SAPCD2: variants seen among roughly 807,000 people sequenced by gnomAD.
SAPCD2 encodes suppressor APC domain containing 2.
In SAPCD2, 34 loss-of-function variants were observed where a neutral mutation model predicts 37.8. The ratio of observed to expected loss-of-function variants is 0.90; its 90% confidence interval spans 0.68 to 1.20. The LOEUF is 1.20. Among genes scored for constraint, SAPCD2 ranks in the 50% most tolerant of loss-of-function variants. The pLI is 0.00. For synonymous variants in SAPCD2, 275 were observed against 270.3 expected, an observed-to-expected ratio of 1.02 and a Z score of -0.17; for missense variants, 572 against 584.7, an observed-to-expected ratio of 0.98 and a Z score of 0.22.
intron 2 of SAPCD2, 43 bp downstream of exon 2, chr9:137,066,219 C>T: frequency 6.7e-7 from 1 of 1,499,172 alleles, no homozygotes; most frequent in Non-Finnish European, 9.1e-7. Context: ...CTCCAGCCTC[C>T]AGGCAAGATG....
At chr9:137,065,479 G>A in intron 3 of SAPCD2, 43 bp downstream of exon 3, 1 of 1,548,482 alleles carries the variant, frequency 6.5e-7, no homozygotes, top group Non-Finnish European at 8.7e-7. Flanking sequence ...GTGAGCTGGG[G>A]TCCCCATGTG....
intron 2 of SAPCD2, 70 bp from the exon 3 acceptor site, chr9:137,065,738 T>G: frequency 6.6e-7 from 1 of 1,520,964 alleles, no homozygotes; most frequent in Non-Finnish European, 8.9e-7. Context: ...ATGCATGAGC[T>G]CACCTGTGGG....
At position 137,064,848 on chromosome 9, in the gene SAPCD2, C is replaced by T; in HGVS notation, c.1056+15G>A. 6.4e-7 allele frequency: 1 copy of T among 1,568,676 alleles called. No individual in the cohort carries two copies. Among genetic ancestry groups the T allele is most frequent in the Non-Finnish European group, 8.6e-7 (1 of 1,157,214 alleles). On this transcript the variant is annotated intron_variant, in intron 5 of 5. Coordinates refer to ENST00000409687, the MANE Select transcript of SAPCD2 (RefSeq NM_178448.4). ...CCTCACCCCCACCCCTGCACCCCTC[C>T]CGCGCCTGCCCTACCTGGGTGAGGA...
At chr9:137,067,964 T>G (rs1832573984) in intron 1 of SAPCD2, among the ~76,000 whole-genome samples, 1 of 151,124 alleles carries the variant, frequency 6.6e-6, no homozygotes, top group African/African-American at 2.4e-5. Context: ...GGTGAGGGAG[T>G]AGGTGCACCT....
rs902478561 is a variant in SAPCD2, at chr9:137,070,455, G to A, written c.6C>T (p.Ala2=). 11 of 1,230,280 alleles carry A rather than the reference G, an allele frequency of 8.9e-6. No individual in the cohort carries two copies. The South Asian group carries it at 1.1e-4, about 12-fold the overall frequency. 76.2% of individuals were successfully genotyped at this position (1,230,280 alleles called of 1,614,324 possible). A position where few individuals can be genotyped will look rare whatever the true frequency, so the allele number is the denominator to read the frequency against. The change falls in exon 1 of 6, where the codon GCC becomes GCT. Residue 2 remains alanine (A), a synonymous_variant. Coordinates refer to ENST00000409687, the MANE Select transcript of SAPCD2 (RefSeq NM_178448.4). M[A]GAAMAERGRV... ...GGCCCCGCTCGGCCATGGCGGCCCCGGCCATGGGCGCCCGGGATCGGTCCC... is the reference window on the plus strand; with the variant it reads ...GGCCCCGCTCGGCCATGGCGGCCCCAGCCATGGGCGCCCGGGATCGGTCCC...
At chr9:137,069,290 C>T (rs1832591402) in intron 1 of SAPCD2, among the ~76,000 whole-genome samples, 1 of 152,208 alleles carries the variant, frequency 6.6e-6, no homozygotes, top group Non-Finnish European at 1.5e-5. Flanking sequence ...TATGTCCCTC[C>T]ATGGCATCTG....
At position 137,070,418 on chromosome 9, in the gene SAPCD2, G is replaced by T; in HGVS notation, c.43C>A (p.Pro15Thr). ...CCCTCCGTGCTGGGCGCGGGTGCGGGGGGAGGCACGCGGCCCCGCTCGGCC... is the reference window on the plus strand; with the variant it reads ...CCCTCCGTGCTGGGCGCGGGTGCGGTGGGAGGCACGCGGCCCCGCTCGGCC... Reference protein sequence around the residue: ...AMAERGRVPPPAPAPSTEGLP... With the variant: ...AMAERGRVPPTAPAPSTEGLP... Residue 15 changes from proline to threonine, a missense_variant, in exon 1 of 6, where the codon CCC becomes ACC. Coordinates refer to ENST00000409687, the MANE Select transcript of SAPCD2 (RefSeq NM_178448.4). The T allele has an allele frequency of 7.7e-7, 1 of 1,298,686 alleles. No homozygotes were observed. The highest frequency in any genetic ancestry group is 3.2e-5 in the East Asian group (1 of 31,016). 80.4% of individuals were successfully genotyped at this position (1,298,686 alleles called of 1,614,324 possible).
Position 137,065,195 on chromosome 9 carries a change from A to T in SAPCD2, c.832-10T>A. ...CTGCAGCCCCAAAGTCCTGGGAAGAAAGCAGAGGACAAGCGGTCAGAGAGG... is the reference window on the plus strand; with the variant it reads ...CTGCAGCCCCAAAGTCCTGGGAAGATAGCAGAGGACAAGCGGTCAGAGAGG... On this transcript the variant is annotated splice_polypyrimidine_tract_variant and intron_variant, in intron 3 of 5. Transcript: ENST00000409687. The T allele has an allele frequency of 3.5e-6, 5 of 1,443,828 alleles. No individual in the cohort carries two copies. Among genetic ancestry groups the T allele is most frequent in the Non-Finnish European group, 4.6e-6 (5 of 1,098,336 alleles). The allele number at this position is 1,443,828 out of a possible 1,614,324, so 89.4% of individuals were successfully genotyped here.
chr9:137,066,269 C>T lies in SAPCD2; in HGVS notation c.677G>A (p.Cys226Tyr). Residue 226 changes from cysteine (C) to tyrosine (Y), a missense_variant, in exon 2 of 6, where the codon TGC becomes TAC. Transcript: ENST00000409687. ...GCCCCAGTCCCTGCTCACCAGGCCG[C>T]AGTCCACGCCGCTGGCGATGGTGTG... ...RRHTIASGVDCGLLKQMKELE... is the reference protein window; with the variant it reads ...RRHTIASGVDYGLLKQMKELE... 6.2e-7 allele frequency: 1 copy of T among 1,603,050 alleles called. No individual in the cohort carries two copies.
intron 1 of SAPCD2, among the ~76,000 whole-genome samples, chr9:137,069,442 G>A (rs1832593251): frequency 6.6e-6 from 1 of 152,224 alleles, no homozygotes; most frequent in Non-Finnish European, 1.5e-5. Flanking sequence ...AGCCCCCCTG[G>A]CTAAGCTGTC....
intron 1 of SAPCD2, among the ~76,000 whole-genome samples, chr9:137,067,536 C>T (rs1052004557): frequency 6.7e-6 from 1 of 150,148 alleles, no homozygotes; most frequent in Non-Finnish European, 1.5e-5. Flanking sequence ...CTTTGGGAAG[C>T]TGGGGCGGGG....
At chr9:137,069,804 A>G in intron 1 of SAPCD2, 86 bp downstream of exon 1, 2 of 947,644 alleles carry the variant, frequency 2.1e-6, no homozygotes, top group Non-Finnish European at 2.7e-6. Flanking sequence ...CTTGTGGGAA[A>G]TGCACGGGCA....
At chr9:137,065,307 G>T in intron 3 of SAPCD2, 122 bp from the exon 4 acceptor site, 3 of 926,156 alleles carry the variant, frequency 3.2e-6, no homozygotes, top group Non-Finnish European at 4.7e-6. Context: ...AGCCTAGAGG[G>T]TCCCAGGGGC....
At chr9:137,068,889 G>C (rs1832586123) in intron 1 of SAPCD2, among the ~76,000 whole-genome samples, 1 of 152,250 alleles carries the variant, frequency 6.6e-6, no homozygotes, top group African/African-American at 2.4e-5. Flanking sequence ...ATAGAACTAG[G>C]GGTCCCCCAG....
chr9:137,066,491 A>G (rs1049786931), intron 1 of SAPCD2, 117 bp from the exon 2 acceptor site: 4 of 706,612 alleles, frequency 5.7e-6, no homozygotes, highest in Non-Finnish European at 9.4e-6. Flanking sequence ...CCAGCCTGGC[A>G]TGGCCCACGT....
chr9:137,065,322 C>G, intron 3 of SAPCD2, 137 bp from the exon 4 acceptor site: 3 of 922,182 alleles, frequency 3.3e-6, no homozygotes, highest in Non-Finnish European at 4.7e-6. Flanking sequence ...AGGGGCATTG[C>G]TGAGGTGGGA....
At position 137,064,849 on chromosome 9, in the gene SAPCD2, C is replaced by T. The variant is rs374347323; in HGVS notation, c.1056+14G>A. On this transcript the variant is annotated intron_variant, in intron 5 of 5. Coordinates refer to ENST00000409687, the MANE Select transcript of SAPCD2 (RefSeq NM_178448.4). ...CTCACCCCCACCCCTGCACCCCTCC[C>T]GCGCCTGCCCTACCTGGGTGAGGAG... 37 of 1,568,808 alleles carry T rather than the reference C, an allele frequency of 2.4e-5. No individual in the cohort carries two copies. In the East Asian group the frequency reaches 6.2e-4, roughly 26 times the overall value.
In SAPCD2 at chr9:137,070,085, C is replaced by G; in HGVS notation, c.376G>C (p.Ala126Pro). Residue 126 changes from alanine to proline, a missense_variant, in exon 1 of 6, where the codon GCT (alanine) becomes CCT (proline). Physicochemically the swap from Ala to Pro is conservative, Grantham distance 27. Coordinates refer to ENST00000409687, the MANE Select transcript of SAPCD2 (RefSeq NM_178448.4). ...PPPPPQRLVF[A>P]PADEPRTVLE... ...ACCGTCCGCGGCTCGTCGGCCGGAG[C>G]GAACACCAGGCGCTGCGGCGGCGGC... The G allele has an allele frequency of 8.4e-7, 1 of 1,193,010 alleles. No homozygotes were observed. The highest frequency in any genetic ancestry group is 1.0e-6 in the Non-Finnish European group (1 of 963,402). 73.9% of individuals were successfully genotyped at this position (1,193,010 alleles called of 1,614,324 possible).
chr9:137,065,501 G>T (rs1832530804), intron 3 of SAPCD2, 21 bp downstream of exon 3: 1 of 1,578,442 alleles, frequency 6.3e-7, no homozygotes, highest in Non-Finnish European at 8.6e-7. Flanking sequence ...GGGGATCTGG[G>T]GACAGGGCTG....
Sources: allele counts gnomAD v4.1 joint callset (sites outside exome capture counted in the v4.1 genomes callset), GRCh38; gene constraint gnomAD v4.1.1; transcripts MANE v1.5; gene names NCBI Gene and HGNC (gene_info 2026-07-23, HGNC 2026-07-21).